MTHFD2L: variants seen among roughly 807,000 people sequenced by gnomAD.
The protein encoded by MTHFD2L is methylenetetrahydrofolate dehydrogenase (NADP+ dependent) 2 like.
Under a neutral mutation model 34.9 loss-of-function variants are expected in MTHFD2L, and 29 were observed. The ratio of observed to expected loss-of-function variants is 0.83; its 90% CI spans 0.62 to 1.13. The LOEUF (loss-of-function observed/expected upper bound fraction) is 1.13, where lower values mean the gene tolerates loss of function less well. Ranked by LOEUF, MTHFD2L falls within the 50% of genes most tolerant of loss-of-function variation. The probability of loss-of-function intolerance (pLI) is 0.00; values close to 1 mark genes in which losing one functional copy is unlikely to be tolerated. For synonymous variants in MTHFD2L, 167 were observed against 155.7 expected (o/e 1.07, Z -0.54); for missense variants, 481 against 446.5 (o/e 1.08, Z -0.70).
At chr4:74,149,798 G>A (rs928520422) in intron 1 of MTHFD2L, among the ~76,000 whole-genome samples, 5 of 152,140 alleles carry the variant, frequency 3.3e-5, no homozygotes, top group Admixed American at 6.5e-5. Context: ...GTAGGTAGAA[G>A]AGTGCTCCCC....
In MTHFD2L at chr4:74,302,896, G is replaced by A. The variant is rs770167916; in HGVS notation, c.*1087G>A. 1.4e-4 allele frequency: 22 copies of A among 152,024 alleles called. No individual in the cohort carries two copies. Among genetic ancestry groups the A allele is most frequent in the Non-Finnish European group, 2.4e-4 (16 of 67,984 alleles). The allele number at this position is 152,024 out of a possible 1,614,324, so 9.4% of individuals were successfully genotyped here. ...AAATTAGGAAATATATATGAATGTC[G>A]TTGAAGTCTATTTTGAGACTGCTAA... On this transcript the variant is annotated 3_prime_UTR_variant, in exon 8 of 8. Transcript: ENST00000325278.
intron 1 of MTHFD2L, among the ~76,000 whole-genome samples, chr4:74,174,035 C>T (rs1243090341): frequency 6.6e-6 from 1 of 152,016 alleles, no homozygotes; most frequent in Non-Finnish European, 1.5e-5. Flanking sequence ...GTCAGTACAC[C>T]AGAAGGTTCA....
chr4:74,159,830 A>G (rs957998448), intron 1 of MTHFD2L, among the ~76,000 whole-genome samples: 4 of 152,240 alleles, frequency 2.6e-5, no homozygotes, highest in Admixed American at 1.3e-4. Flanking sequence ...GATGCAGATT[A>G]TAGTTATAAA....
At chr4:74,120,510 G>A (rs772785298), upstream of MTHFD2L, among the ~76,000 whole-genome samples, 17 of 152,302 alleles carry the variant, frequency 1.1e-4, no homozygotes, top group Non-Finnish European at 2.2e-4. Flanking sequence ...TGGACGGACC[G>A]ACTGCCATGA....
chr4:74,251,090 T>TGATGAACTCTAAGATCTAA (rs1478144284), intron 6 of MTHFD2L, among the ~76,000 whole-genome samples: 4 of 152,182 alleles, frequency 2.6e-5, no homozygotes, highest in Non-Finnish European at 5.9e-5. Context: ...CCAATCTGAG[T>TGATGAACTCTAAGATCTAA]GATGAACTCT....
intron 6 of MTHFD2L, among the ~76,000 whole-genome samples, chr4:74,261,833 GCT>G (rs1301908108): frequency 6.6e-6 from 1 of 151,984 alleles, no homozygotes; most frequent in Non-Finnish European, 1.5e-5. Context: ...AGTTACTCAA[GCT>G]CTCTGTTCCT....
chr4:74,175,887 G>T (rs531599181), intron 3 of MTHFD2L, among the ~76,000 whole-genome samples: 3 of 151,968 alleles, frequency 2.0e-5, no homozygotes, highest in African/African-American at 4.8e-5. Flanking sequence ...GCAAAAGCTC[G>T]TCAAAAGTAG....
chr4:74,158,273 C>T lies in MTHFD2L; in HGVS notation c.135C>T (p.Ser45=), dbSNP rs1385666324. 2.0e-5 allele frequency: 29 copies of T among 1,421,464 alleles called. No individual in the cohort carries two copies. The highest frequency in any genetic ancestry group is 2.7e-5 in the Non-Finnish European group (29 of 1,090,504). 88.1% of individuals were successfully genotyped at this position (1,421,464 alleles called of 1,614,324 possible). ...PGSAFRGFRS[S]GVRHEAIIIS... is the part of the protein sequence containing the mutation. ...GTGCGTTCCGGGGCTTTCGGAGCAG[C>T]GGTGTGAGGTACGAGGGCTGCGGGC... The change falls in exon 1 of 8, where the codon AGC becomes AGT. Residue 45 remains serine, a synonymous_variant. Coordinates refer to ENST00000325278, the MANE Select transcript of MTHFD2L (RefSeq NM_001144978.3).
intron 1 of MTHFD2L, chr4:74,161,434 T>C (rs1340389944): frequency 6.6e-6 from 1 of 152,244 alleles, no homozygotes; most frequent in African/African-American, 2.4e-5. Flanking sequence ...CCTACCTTCC[T>C]GCTGTATGTG....
chr4:74,234,324 T>C (rs1221042471), intron 6 of MTHFD2L, among the ~76,000 whole-genome samples: 1 of 152,088 alleles, frequency 6.6e-6, no homozygotes, highest in Non-Finnish European at 1.5e-5. Flanking sequence ...ATACCTAAAT[T>C]TGACAGATGT....
intron 3 of MTHFD2L, 117 bp downstream of exon 3, chr4:74,175,520 C>A: frequency 9.2e-7 from 1 of 1,087,472 alleles, no homozygotes; most frequent in Non-Finnish European, 1.3e-6. Flanking sequence ...AGGAGACTAG[C>A]TATTTTACTA....
At chr4:74,117,439 T>C (rs1721673971) in intron 2 of MTHFD2L, among the ~76,000 whole-genome samples, 1 of 152,152 alleles carries the variant, frequency 6.6e-6, no homozygotes, top group African/African-American at 2.4e-5. Flanking sequence ...GGTACAGAAA[T>C]GTTCCCAGGC....
chr4:74,264,859 T>G (rs1745097672), intron 6 of MTHFD2L, among the ~76,000 whole-genome samples: 1 of 152,118 alleles, frequency 6.6e-6, no homozygotes, highest in African/African-American at 2.4e-5. Context: ...AAAAGTAAAT[T>G]GATTTATTTG....
At chr4:74,131,373 G>A (rs1043074276) in intron 1 of MTHFD2L, among the ~76,000 whole-genome samples, 2 of 152,108 alleles carry the variant, frequency 1.3e-5, no homozygotes, top group Non-Finnish European at 2.9e-5. Context: ...CATGGTACTG[G>A]TAACAAAATA....
At chr4:74,177,747 A>G (rs1161462398) in intron 3 of MTHFD2L, among the ~76,000 whole-genome samples, 2 of 151,938 alleles carry the variant, frequency 1.3e-5, no homozygotes, top group African/African-American at 2.4e-5. Context: ...CCATTTCTGT[A>G]TATATATCCA....
chr4:74,170,641 C>T (rs1560439974), intron 1 of MTHFD2L, among the ~76,000 whole-genome samples: 1 of 151,778 alleles, frequency 6.6e-6, no homozygotes, highest in Non-Finnish European at 1.5e-5. Flanking sequence ...AATAAAAAGG[C>T]AAAGCACAGA....
intron 3 of MTHFD2L, among the ~76,000 whole-genome samples, chr4:74,186,438 G>GAAAAAAAAAAAAAAAAA (rs59325238): frequency 1.1e-5 from 1 of 88,192 alleles, no homozygotes; most frequent in East Asian, 3.4e-4. Context: ...GGGAATCCAT[G>GAAAAAAAAAAAAAAAAA]AAAAAAAAAA....
chr4:74,221,755 A>G (rs1326815361), intron 5 of MTHFD2L, among the ~76,000 whole-genome samples: 1 of 151,852 alleles, frequency 6.6e-6, no homozygotes, highest in East Asian at 1.9e-4. Flanking sequence ...TGATAAATAT[A>G]TATGGTAAAA....
At chr4:74,157,754 C>T (rs1162006367), upstream of MTHFD2L, 1 of 475,384 alleles carries the variant, frequency 2.1e-6, no homozygotes, top group African/African-American at 2.0e-5. Context: ...GACTGTTGGG[C>T]AGGATCTCTG....
Sources: allele counts gnomAD v4.1 joint callset (sites outside exome capture counted in the v4.1 genomes callset), GRCh38; gene constraint gnomAD v4.1.1; transcripts MANE v1.5; gene names NCBI Gene and HGNC (gene_info 2026-07-23, HGNC 2026-07-21).